Variants in MSRA observed in about 807,000 individuals in gnomAD.
MSRA encodes the protein mitochondrial peptide methionine sulfoxide reductase.
In MSRA, 54 loss-of-function variants were observed where a neutral mutation model predicts 31.3. The observed-to-expected ratio is 1.73, with a 90% CI of 1.39 to 2.17. The LOEUF (loss-of-function observed/expected upper bound fraction) is 2.17, where lower values mean the gene tolerates loss of function less well. Ranked by LOEUF, MSRA falls within the 30% of genes most tolerant of loss-of-function variation. The pLI is 0.00. For synonymous variants in MSRA, 169 were observed against 116.5 expected (o/e 1.45, Z -2.90); for missense variants, 507 against 300.9 (o/e 1.69, Z -5.07).
At chr8:10,164,725 C>G (rs1804966921) in intron 1 of MSRA, among the ~76,000 whole-genome samples, 1 of 152,144 alleles carries the variant, frequency 6.6e-6, no homozygotes, top group Non-Finnish European at 1.5e-5. Flanking sequence ...TAGTCACCCT[C>G]AACCCTGGGC....
intron 1 of MSRA, among the ~76,000 whole-genome samples, chr8:10,150,762 C>T (rs933024007): frequency 3.3e-5 from 5 of 152,120 alleles, no homozygotes; most frequent in Non-Finnish European, 5.9e-5. Context: ...GTGACAAGCG[C>T]GCAGGATTAA....
chr8:10,068,172 C>T (rs1478458850), intron 1 of MSRA, among the ~76,000 whole-genome samples: 2 of 152,120 alleles, frequency 1.3e-5, no homozygotes, highest in Non-Finnish European at 2.9e-5. Context: ...GTGTGAGCCA[C>T]CATGAGTGGC....
At chr8:10,301,371 C>A (rs1171969447) in intron 3 of MSRA, among the ~76,000 whole-genome samples, 163 bp from the exon 4 acceptor site, 1 of 152,172 alleles carries the variant, frequency 6.6e-6, no homozygotes, top group Non-Finnish European at 1.5e-5. Context: ...GAACCAGTAA[C>A]AGAGCCTTGA....
intron 2 of MSRA, among the ~76,000 whole-genome samples, chr8:10,229,592 C>T (rs1214964542): frequency 6.6e-6 from 1 of 152,070 alleles, no homozygotes; most frequent in African/African-American, 2.4e-5. Context: ...AGAGGTGGTG[C>T]AGGCAGGGAG....
chr8:10,158,971 T>C (rs2129041065), intron 1 of MSRA, among the ~76,000 whole-genome samples: 1 of 152,326 alleles, frequency 6.6e-6, no homozygotes, highest in East Asian at 1.9e-4. Flanking sequence ...ATTTCACCAA[T>C]AGCCATTGGA....
At chr8:10,248,693 A>C (rs1166216468) in intron 3 of MSRA, among the ~76,000 whole-genome samples, 1 of 152,214 alleles carries the variant, frequency 6.6e-6, no homozygotes, top group Non-Finnish European at 1.5e-5. Context: ...CGGAGTTGTG[A>C]CTAGGCATAT....
chr8:10,183,835 GTAT>G (rs1806771034), intron 1 of MSRA, among the ~76,000 whole-genome samples: 1 of 150,702 alleles, frequency 6.6e-6, no homozygotes, highest in African/African-American at 2.5e-5. Flanking sequence ...GCTGCTGGTG[GTAT>G]TGGTAGTGAT....
chr8:10,120,077 A>C (rs1452440045), intron 1 of MSRA, among the ~76,000 whole-genome samples: 1 of 152,162 alleles, frequency 6.6e-6, no homozygotes, highest in Non-Finnish European at 1.5e-5. Flanking sequence ...GGCTGGGGGA[A>C]GAAATACCGA....
intron 3 of MSRA, among the ~76,000 whole-genome samples, chr8:10,276,319 A>G (rs938248582): frequency 2.0e-5 from 3 of 152,188 alleles, no homozygotes; most frequent in African/African-American, 7.2e-5. Context: ...TAATCCACCC[A>G]ACAGTGGGCT....
Position 10,119,513 on chromosome 8 carries a change from C to G in MSRA, c.142+64855C>G, listed in dbSNP as rs1361617501. 1.7e-4 allele frequency among the ~76,000 whole-genome samples: 26 copies of G among 152,172 alleles called. 1 individual carries two copies. The highest frequency in any genetic ancestry group is 1.7e-3 in the Admixed American group (26 of 15,276). Reference sequence around the variant, plus strand: ...CTAGCACAGAAAAGCAACCAGGGCGCAAGGTATTTCTGTGTGTATTTGGTT... The same window carrying G: ...CTAGCACAGAAAAGCAACCAGGGCGGAAGGTATTTCTGTGTGTATTTGGTT... On this transcript the variant is annotated intron_variant, in intron 1 of 5. Coordinates refer to ENST00000317173, the MANE Select transcript of MSRA (RefSeq NM_012331.5).
chr8:10,291,105 G>C (rs1356948408), intron 3 of MSRA, among the ~76,000 whole-genome samples: 1 of 152,118 alleles, frequency 6.6e-6, no homozygotes, highest in Non-Finnish European at 1.5e-5. Context: ...GGTTTTCTTT[G>C]TACCAGTTAG....
At chr8:10,368,567 C>G in intron 5 of MSRA, among the ~76,000 whole-genome samples, 1 of 152,338 alleles carries the variant, frequency 6.6e-6, no homozygotes, top group South Asian at 2.1e-4. Flanking sequence ...TCCTGGTTGC[C>G]TCTAGTGAAG....
At chr8:10,350,593 A>G (rs1324186615) in intron 5 of MSRA, among the ~76,000 whole-genome samples, 2 of 152,206 alleles carry the variant, frequency 1.3e-5, no homozygotes, top group African/African-American at 4.8e-5. Flanking sequence ...AGCAGCCGTA[A>G]TGTTTGAATT....
At chr8:10,178,819 G>C (rs1183049040) in intron 1 of MSRA, among the ~76,000 whole-genome samples, 1 of 152,162 alleles carries the variant, frequency 6.6e-6, no homozygotes, top group Non-Finnish European at 1.5e-5. Context: ...AAGAGGCAGG[G>C]AAATAAAATA....
chr8:10,424,438 G>A (rs1250212641), intron 5 of MSRA, among the ~76,000 whole-genome samples: 1 of 150,504 alleles, frequency 6.6e-6, no homozygotes, highest in East Asian at 2.0e-4. Context: ...AGGGCCTGGG[G>A]TGGAGCAGGA....
At chr8:10,230,816 C>T (rs1177675802) in intron 2 of MSRA, among the ~76,000 whole-genome samples, 1 of 152,110 alleles carries the variant, frequency 6.6e-6, no homozygotes, top group South Asian at 2.1e-4. Context: ...TGGAGTTTTG[C>T]TCTCGTTGCC....
intron 5 of MSRA, among the ~76,000 whole-genome samples, chr8:10,333,165 A>C (rs1044265776): frequency 1.3e-5 from 2 of 152,192 alleles, no homozygotes; most frequent in Admixed American, 1.3e-4. Context: ...TGTTTGAATG[A>C]ATGAATTCAC....
rs147883851 is a variant in MSRA at position 10,229,900 on chromosome 8, C to A, written c.212-15204C>A. Among the ~76,000 whole-genome samples, 15 of 152,304 alleles carry A rather than the reference C, an allele frequency of 9.8e-5. No individual in the cohort carries two copies. The East Asian group carries it at 2.7e-3, about 27-fold the overall frequency. On this transcript the variant is annotated intron_variant, in intron 2 of 5. Transcript: ENST00000317173. Reference sequence around the variant, plus strand: ...CTGTGTTTGACTCTGCATTCCCCGTCCTCCCCATATAATCAGTGAATTTCC... The same window carrying A: ...CTGTGTTTGACTCTGCATTCCCCGTACTCCCCATATAATCAGTGAATTTCC...
chr8:10,223,203 T>C (rs544871922), intron 2 of MSRA, among the ~76,000 whole-genome samples: 1 of 152,360 alleles, frequency 6.6e-6, no homozygotes, highest in South Asian at 2.1e-4. Flanking sequence ...CCTGCATTTT[T>C]AGATAGAATG....
Sources: allele counts gnomAD v4.1 joint callset (sites outside exome capture counted in the v4.1 genomes callset), GRCh38; gene constraint gnomAD v4.1.1; transcripts MANE v1.5; gene names NCBI Gene and HGNC (gene_info 2026-07-23, HGNC 2026-07-21).